PKN2: variants seen among roughly 807,000 people sequenced by gnomAD.
The protein encoded by PKN2 is protein kinase N2, also known as serine/threonine-protein kinase N2.
PKN2 carries 38 observed loss-of-function variants against 119.1 expected under a neutral mutation model. The ratio of observed to expected loss-of-function variants is 0.32; its 90% CI spans 0.25 to 0.42. PKN2 has a LOEUF of 0.42. PKN2 is among the 10% of genes least tolerant of loss of function. PKN2 has a pLI of 1.00. For missense variants in PKN2, 850 were observed against 1,165.1 expected (o/e 0.73, Z 3.94); for synonymous variants, 390 against 384.9 (o/e 1.01, Z -0.15).
At chr1:88,738,023 G>A (rs989127385) in intron 1 of PKN2, among the ~76,000 whole-genome samples, 1 of 152,108 alleles carries the variant, frequency 6.6e-6, no homozygotes, top group Non-Finnish European at 1.5e-5. Flanking sequence ...GTCAATCGCT[G>A]GAGAGTCTTA....
chr1:88,785,996 CTT>C, intron 7 of PKN2, 106 bp from the exon 8 acceptor site: 1 of 615,636 alleles, frequency 1.6e-6, no homozygotes, highest in East Asian at 2.9e-5. Context: ...TTATGAAAAA[CTT>C]TATTTTCAAA....
chr1:88,766,218 A>G (rs987828032), intron 3 of PKN2, among the ~76,000 whole-genome samples: 3 of 152,210 alleles, frequency 2.0e-5, no homozygotes, highest in African/African-American at 7.2e-5. Context: ...ATAGGATAAC[A>G]TTCTGATTGA....
chr1:88,710,320 T>A (rs1667177059), intron 1 of PKN2, among the ~76,000 whole-genome samples: 1 of 152,022 alleles, frequency 6.6e-6, no homozygotes, highest in African/African-American at 2.4e-5. Flanking sequence ...AGAGAAAAAT[T>A]TTCCAGGCCT....
intron 16 of PKN2, among the ~76,000 whole-genome samples, chr1:88,815,063 G>A (rs925819540): frequency 6.6e-6 from 1 of 152,158 alleles, no homozygotes; most frequent in African/African-American, 2.4e-5. Context: ...GTAGTAGAAG[G>A]CTACGAATAA....
At chr1:88,746,616 C>G (rs1557583851) in intron 2 of PKN2, among the ~76,000 whole-genome samples, 1 of 151,824 alleles carries the variant, frequency 6.6e-6, no homozygotes, top group Admixed American at 6.6e-5. Context: ...TAAGTGATGG[C>G]AAGGATATGG....
At chr1:88,759,391 A>G (rs952054004) in intron 2 of PKN2, among the ~76,000 whole-genome samples, 8 of 152,206 alleles carry the variant, frequency 5.3e-5, no homozygotes, top group African/African-American at 1.9e-4. Context: ...GACTGGTGTC[A>G]GATAGTATCT....
At chr1:88,715,736 A>G (rs1227494635) in intron 1 of PKN2, among the ~76,000 whole-genome samples, 4 of 152,074 alleles carry the variant, frequency 2.6e-5, no homozygotes, top group African/African-American at 7.3e-5. Flanking sequence ...GATCTTTTCC[A>G]AAAACCAGCT....
intron 1 of PKN2, among the ~76,000 whole-genome samples, chr1:88,738,729 C>T (rs1668457151): frequency 6.6e-6 from 1 of 152,224 alleles, no homozygotes; most frequent in African/African-American, 2.4e-5. Flanking sequence ...GAAAGCAGTT[C>T]ATAAAGTGTT....
rs1210483933 is a variant in PKN2 at position 88,804,826 on chromosome 1, T to C, written c.1426-20T>C. The C allele has an allele frequency of 6.6e-6, 9 of 1,369,414 alleles. No individual in the cohort carries two copies. The highest frequency in any genetic ancestry group is 8.2e-6 in the Non-Finnish European group (8 of 980,748). The allele number at this position is 1,369,414 out of a possible 1,614,324, so 84.8% of individuals were successfully genotyped here. On this transcript the variant is annotated intron_variant, in intron 9 of 21. Transcript: ENST00000370521. ...TGAACCATGCTATTTTCATGTCAAC[T>C]TGAATTTTCTTCACTGCAGGTTACC...
At chr1:88,755,916 CTT>C (rs545204853) in intron 2 of PKN2, among the ~76,000 whole-genome samples, 9,656 of 142,906 alleles carry the variant, frequency 0.068, 595 homozygotes, top group African/African-American at 0.18. Flanking sequence ...ATTGGTATAT[CTT>C]TTTTTTTTTT....
intron 1 of PKN2, among the ~76,000 whole-genome samples, chr1:88,722,801 AGAAAC>A (rs1667735947): frequency 6.6e-6 from 1 of 150,994 alleles, no homozygotes; most frequent in African/African-American, 2.5e-5. Flanking sequence ...AAAAAAAAAA[AGAAAC>A]GAAAAAAATT....
At chr1:88,771,274 A>G in intron 4 of PKN2, 147 bp from the exon 5 acceptor site, 7 of 510,738 alleles carry the variant, frequency 1.4e-5, no homozygotes, top group Non-Finnish European at 2.4e-5. Context: ...TTTCAATATC[A>G]TATCAAATAT....
At chr1:88,723,226 G>T (rs1667760334) in intron 1 of PKN2, among the ~76,000 whole-genome samples, 1 of 151,514 alleles carries the variant, frequency 6.6e-6, no homozygotes, top group Admixed American at 6.6e-5. Context: ...CGATTCTCCT[G>T]CCTCAGCCTC....
rs1312070678 is a variant in PKN2, at chr1:88,820,223, TATATATATATAA to T, written c.2280-1714_2280-1703del. 4.3e-3 allele frequency among the ~76,000 whole-genome samples: 173 copies of T among 40,428 alleles called. 4 individuals are homozygous for T. The highest frequency in any genetic ancestry group is 4.0e-3 in the Non-Finnish European group (80 of 20,032). 26.5% of individuals were successfully genotyped at this position (40,428 alleles called of 152,430 possible). On this transcript the variant is annotated intron_variant, in intron 16 of 21. Coordinates refer to ENST00000370521, the MANE Select transcript of PKN2 (RefSeq NM_006256.4). ...ATATATATATATATATATATATATA[TATATATATATAA>T]ATAGAAAAAAATAAAAATGCGAGGC...
At chr1:88,810,453 T>C (rs1671737406) in intron 15 of PKN2, among the ~76,000 whole-genome samples, 1 of 151,866 alleles carries the variant, frequency 6.6e-6, no homozygotes, top group Non-Finnish European at 1.5e-5. Context: ...GTAATGTATT[T>C]CATTACTTGC....
chr1:88,807,690 T>C lies in PKN2; in HGVS notation c.2017T>C (p.Leu673=). Residue 673 remains leucine, a synonymous_variant, in exon 15 of 22, where the codon TTA becomes CTA. Transcript: ENST00000370521. ...TATTTTAATTTTATTTCAGGTGCTTTTAGCTGAATATAAAAACACAAATGA... is the reference window on the plus strand; with the variant it reads ...TATTTTAATTTTATTTCAGGTGCTTCTAGCTGAATATAAAAACACAAATGA... ...LGRGHFGKVL[L]AEYKNTNEMF... The C allele has an allele frequency of 1.3e-6, 2 of 1,589,792 alleles. No homozygotes were observed. Among genetic ancestry groups the C allele is most frequent in the Non-Finnish European group, 1.7e-6 (2 of 1,164,780 alleles).
At chr1:88,719,508 G>A (rs962574464) in intron 1 of PKN2, among the ~76,000 whole-genome samples, 11 of 151,838 alleles carry the variant, frequency 7.2e-5, no homozygotes, top group Admixed American at 2.0e-4. Context: ...TTGTTTTGTT[G>A]TATACTTAAA....
intron 1 of PKN2, among the ~76,000 whole-genome samples, chr1:88,706,910 T>G (rs1379150138): frequency 6.6e-6 from 1 of 152,024 alleles, no homozygotes; most frequent in Non-Finnish European, 1.5e-5. Context: ...CATTCCATTT[T>G]GGTCAAAGAA....
Position 88,684,548 on chromosome 1 carries a change from C to G in PKN2, c.-33C>G. 6.5e-7 allele frequency: 1 copy of G among 1,535,872 alleles called. No homozygotes were observed. Among genetic ancestry groups the G allele is most frequent in the Non-Finnish European group, 8.8e-7 (1 of 1,140,870 alleles). On this transcript the variant is annotated 5_prime_UTR_variant, in exon 1 of 22. Coordinates refer to ENST00000370521, the MANE Select transcript of PKN2 (RefSeq NM_006256.4). ...GCCTTCTCCCTTCGCCAGAGGCGGC[C>G]GCGTCCAGGTGCGGAGTCCATACCG...
Sources: allele counts gnomAD v4.1 joint callset (sites outside exome capture counted in the v4.1 genomes callset), GRCh38; gene constraint gnomAD v4.1.1; transcripts MANE v1.5; gene names NCBI Gene and HGNC (gene_info 2026-07-23, HGNC 2026-07-21).